Variants in SLC26A5 observed in about 807,000 individuals in gnomAD.
SLC26A5 encodes prestin.
Under a neutral mutation model 81.0 loss-of-function variants are expected in SLC26A5, and 51 were observed. That is an observed-to-expected ratio of 0.63 (90% confidence interval 0.50 to 0.80). The LOEUF is 0.80. Ranked by LOEUF, SLC26A5 falls within the 30% of genes least tolerant of loss-of-function variation. The probability of loss-of-function intolerance (pLI) is 0.00; values close to 1 mark genes in which losing one functional copy is unlikely to be tolerated. For synonymous variants in SLC26A5, 325 were observed against 332.8 expected, an observed-to-expected ratio of 0.98 and a Z score of 0.25; for missense variants, 771 against 905.8, an observed-to-expected ratio of 0.85 and a Z score of 1.91.
downstream of SLC26A5, among the ~76,000 whole-genome samples, chr7:103,371,948 G>C (rs1383594969): frequency 1.3e-5 from 2 of 152,012 alleles, no homozygotes; most frequent in East Asian, 3.9e-4. Context: ...GCCCGCCTTG[G>C]CCTCCCAAAG....
intron 2 of SLC26A5, among the ~76,000 whole-genome samples, chr7:103,421,987 T>C (rs1169821424): frequency 6.6e-6 from 1 of 152,256 alleles, no homozygotes; most frequent in East Asian, 1.9e-4. Context: ...TCCAATTCTA[T>C]ATTTATGGTT....
intron 14 of SLC26A5, among the ~76,000 whole-genome samples, chr7:103,384,921 C>A (rs1355984695): frequency 6.6e-6 from 1 of 152,132 alleles, no homozygotes; most frequent in Non-Finnish European, 1.5e-5. Flanking sequence ...GACAACGCAA[C>A]CTTTGAGGGG....
chr7:103,424,321 A>G (rs182020615), intron 2 of SLC26A5, among the ~76,000 whole-genome samples: 215 of 152,228 alleles, frequency 1.4e-3, no homozygotes, highest in Non-Finnish European at 2.6e-3. Context: ...CTTCTATTCT[A>G]ATAGAATCAT....
chr7:103,386,288 C>G (rs1822187797), intron 14 of SLC26A5, among the ~76,000 whole-genome samples: 1 of 151,902 alleles, frequency 6.6e-6, no homozygotes, highest in Admixed American at 6.6e-5. Context: ...TGATAACCGG[C>G]CGGGCACGAT....
At chr7:103,410,256 T>C (rs1824378466) in intron 7 of SLC26A5, 129 bp downstream of exon 7, 1 of 816,288 alleles carries the variant, frequency 1.2e-6, no homozygotes, top group African/African-American at 1.7e-5. Context: ...AATAAATGAA[T>C]TTTTCCCTTT....
rs1242785399 is a variant in SLC26A5, at chr7:103,374,234, AAC to A, written c.*163_*164del. ...TATCTTTGAAGTATTCAATTAAAAA[AAC>A]ACAAGTACAATACATCTTGCTAGGC... On this transcript the variant is annotated 3_prime_UTR_variant, in exon 20 of 20. Coordinates refer to ENST00000306312, the MANE Select transcript of SLC26A5 (RefSeq NM_198999.3). 7.1e-7 allele frequency: 1 copy of A among 1,415,658 alleles called. No homozygotes were observed. The highest frequency in any genetic ancestry group is 9.2e-7 in the Non-Finnish European group (1 of 1,089,624). 87.7% of individuals were successfully genotyped at this position (1,415,658 alleles called of 1,614,324 possible). A position where few individuals can be genotyped will look rare whatever the true frequency, so the allele number is the denominator to read the frequency against.
rs980049742 is a variant in SLC26A5 at position 103,378,488 on chromosome 7, T to G, written c.1743A>C (p.Glu581Asp). 6.2e-7 allele frequency: 1 copy of G among 1,614,074 alleles called. No homozygotes were observed. The highest frequency in any genetic ancestry group is 1.7e-5 in the Admixed American group (1 of 59,998). Residue 581 changes from glutamate (E) to aspartate (D), a missense_variant, in exon 17 of 20, where the codon GAA (glutamate) becomes GAC (aspartate). Glu to Asp is a conservative substitution (Grantham distance 45). Transcript: ENST00000306312. ...RRKAMRKYAKEVGNANMANAT... is the reference protein window; with the variant it reads ...RRKAMRKYAKDVGNANMANAT... ...CGTTGGCCATATTTGCATTTCCGACTTCCTTAGCGTACTTCCGCATGGCCT... is the reference window on the plus strand; with the variant it reads ...CGTTGGCCATATTTGCATTTCCGACGTCCTTAGCGTACTTCCGCATGGCCT...
intron 1 of SLC26A5, among the ~76,000 whole-genome samples, chr7:103,444,258 C>T (rs1827104984): frequency 6.6e-6 from 1 of 152,160 alleles, no homozygotes; most frequent in Non-Finnish European, 1.5e-5. Context: ...AAAGGAAAAT[C>T]ATCATCTTAT....
At position 103,407,897 on chromosome 7, in the gene SLC26A5, C is replaced by G. The variant is rs1371721808; in HGVS notation, c.842G>C (p.Arg281Thr). 1 of 1,614,162 alleles carries G rather than the reference C, an allele frequency of 6.2e-7. No individual in the cohort carries two copies. The highest frequency in any genetic ancestry group is 8.5e-7 in the Non-Finnish European group (1 of 1,180,028). The change falls in exon 8 of 20, where the codon AGA becomes ACA. Residue 281 changes from arginine to threonine, a missense_variant. Coordinates refer to ENST00000306312, the MANE Select transcript of SLC26A5 (RefSeq NM_198999.3). ...AGGCGCCGGCAATTTCTCTTTAAAT[C>G]TCTCATTAAACTCCTTGCCACCCAA... The part of the protein sequence containing the change: ...LLLGGKEFNE[R>T]FKEKLPAPIP...
At chr7:103,421,619 C>G in intron 2 of SLC26A5, 52 bp from the exon 3 acceptor site, 1 of 1,244,592 alleles carries the variant, frequency 8.0e-7, no homozygotes, top group Admixed American at 1.8e-5. Context: ...CTACTGATGA[C>G]TTTTCCTAAG....
intron 4 of SLC26A5, among the ~76,000 whole-genome samples, chr7:103,418,848 T>C (rs756513276): frequency 2.0e-5 from 3 of 152,078 alleles, no homozygotes; most frequent in Non-Finnish European, 4.4e-5. Context: ...ACTACCCAAA[T>C]CCATTCCCCC....
chr7:103,395,359 T>A (rs1325925615), intron 9 of SLC26A5, among the ~76,000 whole-genome samples: 1 of 148,634 alleles, frequency 6.7e-6, no homozygotes, highest in Non-Finnish European at 1.5e-5. Context: ...TTTTTTTTTT[T>A]TTTAGTTAAG....
chr7:103,433,398 T>C (rs1400888035), intron 2 of SLC26A5: 4 of 152,258 alleles, frequency 2.6e-5, no homozygotes, highest in Non-Finnish European at 5.9e-5. Flanking sequence ...GAGGGAGATC[T>C]GAATGAGTCA....
chr7:103,432,135 C>G (rs1458254229), intron 2 of SLC26A5, among the ~76,000 whole-genome samples: 2 of 151,962 alleles, frequency 1.3e-5, no homozygotes, highest in African/African-American at 4.8e-5. Context: ...AGGCTGGTCT[C>G]AAACTCCTGA....
chr7:103,402,948 T>C (rs1823729804), intron 8 of SLC26A5, among the ~76,000 whole-genome samples: 1 of 152,220 alleles, frequency 6.6e-6, no homozygotes, highest in Admixed American at 6.5e-5. Flanking sequence ...CCTTCTCAAG[T>C]TATTTTAATT....
chr7:103,363,495 T>C (rs1255234047), intron 19 of SLC26A5: 7 of 1,469,114 alleles, frequency 4.8e-6, no homozygotes, highest in Non-Finnish European at 6.7e-6. Flanking sequence ...CTTTTGTGTA[T>C]TGAGCACTAA....
At chr7:103,407,582 G>A (rs1017374087) in intron 8 of SLC26A5, among the ~76,000 whole-genome samples, 1 of 152,104 alleles carries the variant, frequency 6.6e-6, no homozygotes, top group African/African-American at 2.4e-5. Flanking sequence ...AATTTGAGGA[G>A]AAAATCCTCC....
chr7:103,417,380 A>C (rs1268359982), intron 4 of SLC26A5, among the ~76,000 whole-genome samples: 2 of 151,588 alleles, frequency 1.3e-5, no homozygotes, highest in African/African-American at 4.8e-5. Context: ...AAAAAAAAAA[A>C]AAAAAGAAAA....
chr7:103,427,797 T>C (rs1825804080), intron 2 of SLC26A5, among the ~76,000 whole-genome samples: 1 of 152,090 alleles, frequency 6.6e-6, no homozygotes. Flanking sequence ...CTTGCTGGCA[T>C]GTCACAATCA....
Sources: allele counts gnomAD v4.1 joint callset (sites outside exome capture counted in the v4.1 genomes callset), GRCh38; gene constraint gnomAD v4.1.1; transcripts MANE v1.5; gene names NCBI Gene and HGNC (gene_info 2026-07-23, HGNC 2026-07-21).